Variants in OCA2 observed in about 807,000 individuals in gnomAD.
OCA2 encodes the protein OCA2 melanosomal transmembrane protein.
OCA2 carries 77 observed loss-of-function variants against 100.2 expected under a neutral mutation model. The observed-to-expected ratio is 0.77, with a 90% CI of 0.64 to 0.93. The LOEUF (loss-of-function observed/expected upper bound fraction) is 0.93. Ranked by LOEUF, OCA2 falls within the 40% of genes least tolerant of loss-of-function variation. The pLI is 0.00. For missense variants in OCA2, 1,062 were observed against 1,089.1 expected (o/e 0.98, Z 0.35); for synonymous variants, 432 against 439.2 (o/e 0.98, Z 0.21).
At chr15:27,928,641 C>T (rs2039134239) in intron 18 of OCA2, among the ~76,000 whole-genome samples, 1 of 152,116 alleles carries the variant, frequency 6.6e-6, no homozygotes, top group African/African-American at 2.4e-5. Context: ...CCCCTGTTTC[C>T]TTACTGGCTG....
chr15:27,985,125 C>T lies in OCA2; in HGVS notation c.1303G>A (p.Val435Ile), dbSNP rs549399707. The T allele has an allele frequency of 7.8e-5, 126 of 1,613,986 alleles. 1 individual carries two copies. Among genetic ancestry groups the T allele is most frequent in the Middle Eastern group, 4.9e-4 (3 of 6,062 alleles). Residue 435 changes from valine to isoleucine, a missense_variant, in exon 13 of 24, where the codon GTC becomes ATC. Coordinates refer to ENST00000354638, the MANE Select transcript of OCA2 (RefSeq NM_000275.3). ...MIIMLCLIAA[V>I]LSAFLDNVTT... ...ACGTTGTCCAAGAAGGCAGAGAGGA[C>T]GGCCGCGATGAGACAGAGCATGATG...
intron 19 of OCA2, among the ~76,000 whole-genome samples, chr15:27,909,384 T>C (rs1182865272): frequency 2.0e-5 from 3 of 152,142 alleles, no homozygotes; most frequent in South Asian, 2.1e-4. Context: ...AGCTATTTCA[T>C]AATTGAGTTA....
At chr15:28,096,145 C>A (rs1186715072) in intron 1 of OCA2, among the ~76,000 whole-genome samples, 10 of 148,848 alleles carry the variant, frequency 6.7e-5, no homozygotes, top group Non-Finnish European at 8.9e-5. Context: ...GTCGTGTCTC[C>A]GGGAGGTGGC....
chr15:27,737,302 AAC>A, the OCA2 span, among the ~76,000 whole-genome samples: 1 of 152,238 alleles, frequency 6.6e-6, no homozygotes, highest in Non-Finnish European at 1.5e-5. Flanking sequence ...ATTCATAAGA[AAC>A]ATTCAAAATA....
intron 23 of OCA2, among the ~76,000 whole-genome samples, chr15:27,792,597 T>G (rs1048614725): frequency 6.6e-6 from 1 of 152,138 alleles, no homozygotes; most frequent in Non-Finnish European, 1.5e-5. Context: ...TCCATAACTT[T>G]CCGAGACGTG....
the OCA2 span, among the ~76,000 whole-genome samples, chr15:27,722,738 T>C: frequency 1.4e-5 from 2 of 144,938 alleles, no homozygotes; most frequent in South Asian, 2.3e-4. Flanking sequence ...TTTCTTTCTT[T>C]CTTCTTTCTT....
At chr15:27,818,154 C>G (rs2034373446) in intron 23 of OCA2, among the ~76,000 whole-genome samples, 1 of 152,184 alleles carries the variant, frequency 6.6e-6, no homozygotes, top group South Asian at 2.1e-4. Flanking sequence ...CTCTGGGAGA[C>G]TGAGGCGGGT....
the OCA2 span, among the ~76,000 whole-genome samples, chr15:27,741,524 C>T: frequency 4.2e-3 from 643 of 152,286 alleles, 6 homozygotes; most frequent in African/African-American, 0.014. Context: ...CTGCATCTGG[C>T]GGTGGGACAG....
intron 23 of OCA2, among the ~76,000 whole-genome samples, chr15:27,767,988 A>G (rs536587100): frequency 1.3e-5 from 2 of 152,210 alleles, no homozygotes; most frequent in Non-Finnish European, 2.9e-5. Context: ...CCACAATGGC[A>G]GTGGAGGAAG....
At chr15:27,878,599 TG>T (rs1165039193) in intron 19 of OCA2, among the ~76,000 whole-genome samples, 1 of 152,170 alleles carries the variant, frequency 6.6e-6, no homozygotes, top group African/African-American at 2.4e-5. Context: ...GTCCCTTGCA[TG>T]TAATGTATCA....
intron 9 of OCA2, among the ~76,000 whole-genome samples, chr15:27,999,479 A>C (rs1170997145): frequency 6.6e-6 from 1 of 152,140 alleles, no homozygotes; most frequent in Non-Finnish European, 1.5e-5. Flanking sequence ...CGTAATAAAG[A>C]CCATATATAA....
At chr15:27,950,832 C>T (rs1650733677) in intron 18 of OCA2, among the ~76,000 whole-genome samples, 1 of 152,178 alleles carries the variant, frequency 6.6e-6, no homozygotes, top group African/African-American at 2.4e-5. Flanking sequence ...AGAGGCTTCA[C>T]TTTCTACGGC....
chr15:28,012,579 G>A (rs112554127), intron 9 of OCA2, among the ~76,000 whole-genome samples: 9 of 151,616 alleles, frequency 5.9e-5, no homozygotes, highest in South Asian at 2.1e-4. Flanking sequence ...TCTGCTAGCC[G>A]TAATAAAAAA....
At chr15:27,832,706 C>T (rs1224042213) in intron 23 of OCA2, among the ~76,000 whole-genome samples, 1 of 152,226 alleles carries the variant, frequency 6.6e-6, no homozygotes, top group Non-Finnish European at 1.5e-5. Flanking sequence ...CCTGCTTCAT[C>T]ACTGCGCCAC....
intron 14 of OCA2, 145 bp downstream of exon 14, chr15:27,983,200 C>T (rs1452016994): frequency 2.1e-6 from 2 of 941,858 alleles, no homozygotes; most frequent in African/African-American, 3.2e-5. Flanking sequence ...ACCTAACATC[C>T]CAGTCTTGAG....
intron 23 of OCA2, among the ~76,000 whole-genome samples, chr15:27,836,372 C>A (rs978844140): frequency 6.6e-6 from 1 of 151,792 alleles, no homozygotes; most frequent in Non-Finnish European, 1.5e-5. Flanking sequence ...GAAAAATAGC[C>A]TGTTTTTCTC....
intron 18 of OCA2, among the ~76,000 whole-genome samples, chr15:27,940,257 G>A (rs938156574): frequency 2.6e-4 from 40 of 152,174 alleles, no homozygotes; most frequent in African/African-American, 9.4e-4. Context: ...TGTAGGAGGT[G>A]TTTTGTGTAT....
intron 23 of OCA2, among the ~76,000 whole-genome samples, chr15:27,830,464 G>C (rs2034906717): frequency 1.3e-5 from 2 of 151,938 alleles, no homozygotes; most frequent in Admixed American, 1.3e-4. Flanking sequence ...GGATAGAAAA[G>C]GAGTACAAAT....
At chr15:27,996,230 C>A (rs2041722479) in intron 9 of OCA2, among the ~76,000 whole-genome samples, 1 of 152,086 alleles carries the variant, frequency 6.6e-6, no homozygotes, top group Non-Finnish European at 1.5e-5. Context: ...ACAGCAAAAG[C>A]AGTTTTAGGA....
Sources: gnomAD v4.1 joint callset for allele counts (sites outside exome capture counted in the v4.1 genomes callset) on GRCh38, gnomAD v4.1.1 for gene constraint, MANE v1.5 for transcripts, NCBI Gene and HGNC (gene_info 2026-07-23, HGNC 2026-07-21) for gene names.